Variants in TFAP2E observed in about 807,000 individuals in gnomAD.
TFAP2E encodes transcription factor AP-2-epsilon.
A neutral mutation model predicts 37.9 loss-of-function variants in TFAP2E; 30 were observed. The ratio of observed to expected loss-of-function variants is 0.79; its 90% CI spans 0.59 to 1.07. The LOEUF is 1.07. TFAP2E is among the 50% of genes least tolerant of loss of function. The pLI, the probability that TFAP2E is intolerant of heterozygous loss-of-function variation, is 0.00. For missense variants in TFAP2E, 567 were observed against 637.9 expected (o/e 0.89, Z 1.20); for synonymous variants, 318 against 295.8 (o/e 1.08, Z -0.77).
At chr1:35,592,161 T>C (rs1649705652) in intron 6 of TFAP2E, among the ~76,000 whole-genome samples, 1 of 152,044 alleles carries the variant, frequency 6.6e-6, no homozygotes, top group African/African-American at 2.4e-5. Flanking sequence ...GGTGCACTCC[T>C]GTAGTCCCAG....
Position 35,574,958 on chromosome 1 carries a change from G to A in TFAP2E, c.520G>A (p.Glu174Lys), listed in dbSNP as rs770123618. Reference sequence around the variant, plus strand: ...CCTCTGCTATTTGCAGGCAATGGACGAGCCGGGAATGAGCCTCCTAGACCA... The same window carrying A: ...CCTCTGCTATTTGCAGGCAATGGACAAGCCGGGAATGAGCCTCCTAGACCA... ...PGLEDLQAMD[E>K]PGMSLLDQSV... Residue 174 changes from glutamate (E) to lysine (K), a missense_variant, in exon 3 of 7, where the codon GAG (glutamate) becomes AAG (lysine). Physicochemically the swap from Glu to Lys is moderately conservative, Grantham distance 56. Transcript: ENST00000373235. The A allele has an allele frequency of 6.2e-7, 1 of 1,613,958 alleles. No individual in the cohort carries two copies. The highest frequency in any genetic ancestry group is 8.5e-7 in the Non-Finnish European group (1 of 1,179,994).
At chr1:35,586,059 A>G (rs1047239286) in intron 3 of TFAP2E, among the ~76,000 whole-genome samples, 2 of 149,810 alleles carry the variant, frequency 1.3e-5, no homozygotes, top group African/African-American at 5.0e-5. Context: ...AAAAAAAAAA[A>G]TGGTGGACAC....
Position 35,588,548 on chromosome 1 carries a change from C to G in TFAP2E, c.781C>G (p.Arg261Gly). The change falls in exon 4 of 7, where the codon CGC becomes GGC. Residue 261 changes from arginine to glycine, a missense_variant. Arg to Gly is a moderately radical substitution (Grantham distance 125). This residue lies in a region of TFAP2E where 252 missense variants were observed against 302.6 expected (regional missense o/e 0.83). Coordinates refer to ENST00000373235, the MANE Select transcript of TFAP2E (RefSeq NM_178548.4). This position sits in a 1 kb window ranked among gnomAD's most constrained non-coding sequence, Gnocchi z 5.1. Reference protein sequence around the residue: ...LNASLLGGVLRRAKSKNGGRC... With the variant: ...LNASLLGGVLGRAKSKNGGRC... ...CGCCTCCCTCCTGGGGGGTGTCCTC[C>G]GCAGGTAGGAAGGCCAGCCCACAAT... 1 of 1,574,748 alleles carries G rather than the reference C, an allele frequency of 6.4e-7. No homozygotes were observed. Among genetic ancestry groups the G allele is most frequent in the Non-Finnish European group, 8.6e-7 (1 of 1,157,930 alleles).
intron 3 of TFAP2E, among the ~76,000 whole-genome samples, chr1:35,583,005 C>T (rs1649395173): frequency 6.6e-6 from 1 of 151,924 alleles, no homozygotes; most frequent in Admixed American, 6.6e-5. Context: ...CGGGTTCAAG[C>T]GATTCTCCTG....
chr1:35,575,096 GCCAGGCTGGGTGTCCA>G, intron 3 of TFAP2E, 96 bp downstream of exon 3: 1 of 1,486,420 alleles, frequency 6.7e-7, no homozygotes, highest in Non-Finnish European at 9.4e-7. Context: ...CCTGTGTGTC[GCCAGGCTGGGTGTCCA>G]CCAGGCACTC....
chr1:35,590,904 C>A lies in TFAP2E; in HGVS notation c.1046+129C>A. 9.0e-7 allele frequency: 1 copy of A among 1,113,458 alleles called. No individual in the cohort carries two copies. Among genetic ancestry groups the A allele is most frequent in the South Asian group, 3.6e-5 (1 of 27,984 alleles). 69.0% of individuals were successfully genotyped at this position (1,113,458 alleles called of 1,614,324 possible). A position where few individuals can be genotyped will look rare whatever the true frequency, so the allele number is the denominator to read the frequency against. ...ATGCGTATTTGCGCACCACTGTGTA[C>A]ACGAGCAGTGGGCACACACACATAC... On this transcript the variant is annotated intron_variant, in intron 6 of 6. Transcript: ENST00000373235. This position sits in a 1 kb window ranked among gnomAD's most constrained non-coding sequence, Gnocchi z 6.2.
At position 35,574,069 on chromosome 1, in the gene TFAP2E, C is replaced by G. The variant is rs1306298868; in HGVS notation, c.170C>G (p.Pro57Arg). The G allele has an allele frequency of 6.8e-7, 1 of 1,480,370 alleles. No homozygotes were observed. Among genetic ancestry groups the G allele is most frequent in the African/African-American group, 1.5e-5 (1 of 68,040 alleles). The allele number at this position is 1,480,370 out of a possible 1,614,324, so 91.7% of individuals were successfully genotyped here. ...GAATTCCAGCCGCCCTACTTCCCGCCGCCCTACCCGCAGCCACCGCTGCCC... is the reference window on the plus strand; with the variant it reads ...GAATTCCAGCCGCCCTACTTCCCGCGGCCCTACCCGCAGCCACCGCTGCCC... ...AAEFQPPYFP[P>R]PYPQPPLPYG... Residue 57 changes from proline to arginine, a missense_variant, in exon 2 of 7, where the codon CCG becomes CGG. By Grantham distance (103) the Pro-to-Arg change is moderately radical. Around this residue, in one of 3 missense-constraint regions of TFAP2E, gnomAD observed 312 missense variants for 317.4 expected, o/e 0.98. Transcript: ENST00000373235.
In TFAP2E at chr1:35,590,051, G is replaced by A. The variant is rs542024393; in HGVS notation, c.904+3G>A. The A allele has an allele frequency of 4.2e-5, 68 of 1,613,760 alleles. No homozygotes were observed. In the South Asian group the frequency reaches 7.4e-4, roughly 17 times the overall value. Reference sequence around the variant, plus strand: ...GCTGCTGACTTCGCTAGTGGAAGGTGAGTGAGGCCTGAAGGTGGGCATGGG... The same window carrying A: ...GCTGCTGACTTCGCTAGTGGAAGGTAAGTGAGGCCTGAAGGTGGGCATGGG... On this transcript the variant is annotated splice_donor_region_variant and intron_variant, in intron 5 of 6. Coordinates refer to ENST00000373235, the MANE Select transcript of TFAP2E (RefSeq NM_178548.4). This position sits in a 1 kb window ranked among gnomAD's most constrained non-coding sequence, Gnocchi z 6.2.
In TFAP2E at chr1:35,583,292, C is replaced by CTGT. The variant is rs550749663; in HGVS notation, c.563-5021_563-5019dup. Among the ~76,000 whole-genome samples the CTGT allele has an allele frequency of 1.7e-4, 26 of 152,040 alleles. No homozygotes were observed. In the East Asian group the frequency reaches 2.9e-3, roughly 17 times the overall value. ...CACGAAGATTTTTCTCCTAAGTTTT[C>CTGT]TGTTGTTGTTGTTGTTGTTATTTGT... On this transcript the variant is annotated intron_variant, in intron 3 of 6. Transcript: ENST00000373235.
At chr1:35,578,795 T>C (rs936078591) in intron 3 of TFAP2E, among the ~76,000 whole-genome samples, 1 of 151,938 alleles carries the variant, frequency 6.6e-6, no homozygotes, top group African/African-American at 2.4e-5. Flanking sequence ...AAAAACTCAG[T>C]AATCAAGATA....
intron 3 of TFAP2E, among the ~76,000 whole-genome samples, chr1:35,578,710 C>A (rs924053003): frequency 2.0e-5 from 3 of 152,144 alleles, no homozygotes; most frequent in African/African-American, 7.2e-5. Flanking sequence ...ACTTCCCAGA[C>A]AATCTCTAAG....
rs567466030 is a variant in TFAP2E at position 35,578,078 on chromosome 1, G to A, written c.562+3078G>A. 1.4e-4 allele frequency among the ~76,000 whole-genome samples: 21 copies of A among 152,322 alleles called. No homozygotes were observed. In the East Asian group the frequency reaches 3.5e-3, roughly 25 times the overall value. ...GCGGAGAGTGCCCGAGGTTGGGTGA[G>A]TGCCTAGAGGGGAGATAGTTGAACC... is the stretch of plus-strand genomic sequence containing the variant. On this transcript the variant is annotated intron_variant, in intron 3 of 6. Transcript: ENST00000373235.
rs373145943 is a variant in TFAP2E at position 35,589,985 on chromosome 1, C to T, written c.841C>T (p.Leu281Phe). 1.2e-5 allele frequency: 19 copies of T among 1,614,030 alleles called. No homozygotes were observed. Among genetic ancestry groups the T allele is most frequent in the East Asian group, 2.2e-5 (1 of 44,902 alleles). Residue 281 changes from leucine (L) to phenylalanine (F), a missense_variant, in exon 5 of 7, where the codon CTC (leucine) becomes TTC (phenylalanine). Transcript: ENST00000373235. ...GCGGGAACGGTTAGAGAAGATTGGG[C>T]TCAACCTGCCAGCTGGCCGTCGCAA... ...CLRERLEKIG[L>F]NLPAGRRKAA...
At chr1:35,576,756 C>T (rs955649394) in intron 3 of TFAP2E, among the ~76,000 whole-genome samples, 1 of 152,206 alleles carries the variant, frequency 6.6e-6, no homozygotes, top group Admixed American at 6.5e-5. Context: ...TTCCAAAACT[C>T]CTAGATCCTA....
chr1:35,577,342 G>A lies in TFAP2E; in HGVS notation c.562+2342G>A. ...TTCACCTTGGCCCTCCGCGGTCACTGCGGGATTCGGCGTTGCCGCCAGCCC... is the reference window on the plus strand; with the variant it reads ...TTCACCTTGGCCCTCCGCGGTCACTACGGGATTCGGCGTTGCCGCCAGCCC... On this transcript the variant is annotated intron_variant, in intron 3 of 6. Transcript: ENST00000373235. This position sits in a 1 kb window ranked among gnomAD's most constrained non-coding sequence, Gnocchi z 6.3. The A allele has an allele frequency of 2.2e-6, 1 of 456,692 alleles. No homozygotes were observed. The highest frequency in any genetic ancestry group is 4.4e-6 in the Non-Finnish European group (1 of 226,934). 28.3% of individuals were successfully genotyped at this position (456,692 alleles called of 1,614,324 possible). A position where few individuals can be genotyped will look rare whatever the true frequency, so the allele number is the denominator to read the frequency against.
intron 3 of TFAP2E, among the ~76,000 whole-genome samples, chr1:35,586,124 G>A (rs146235128): frequency 6.6e-6 from 1 of 152,288 alleles, no homozygotes; most frequent in African/African-American, 2.4e-5. Flanking sequence ...TGGTCAGCTT[G>A]GGTCTAGAGC....
chr1:35,592,282 CT>C (rs1394256218), intron 6 of TFAP2E, among the ~76,000 whole-genome samples: 3 of 147,582 alleles, frequency 2.0e-5, no homozygotes, highest in Non-Finnish European at 4.4e-5. Context: ...GAGACCCCAT[CT>C]CAAAAAAAAA....
At chr1:35,575,985 C>T (rs1410043179) in intron 3 of TFAP2E, among the ~76,000 whole-genome samples, 1 of 152,150 alleles carries the variant, frequency 6.6e-6, no homozygotes, top group Non-Finnish European at 1.5e-5. Flanking sequence ...TCAGAGGGGC[C>T]CAGGCATTGG....
Position 35,590,083 on chromosome 1 carries a change from T to C in TFAP2E, c.904+35T>C. On this transcript the variant is annotated intron_variant, in intron 5 of 6. Coordinates refer to ENST00000373235, the MANE Select transcript of TFAP2E (RefSeq NM_178548.4). The surrounding 1 kb of genome is among the most constrained non-coding windows in gnomAD (Gnocchi z 6.2). ...GCCTGAAGGTGGGCATGGGAGTGGATGTGAGGGCAAGTGAGTTGTCTGGTG... is the reference window on the plus strand; with the variant it reads ...GCCTGAAGGTGGGCATGGGAGTGGACGTGAGGGCAAGTGAGTTGTCTGGTG... The C allele has an allele frequency of 1.9e-6, 3 of 1,599,924 alleles. No individual in the cohort carries two copies. Among genetic ancestry groups the C allele is most frequent in the Non-Finnish European group, 1.7e-6 (2 of 1,167,784 alleles).
Sources: allele counts gnomAD v4.1 joint callset (sites outside exome capture counted in the v4.1 genomes callset), GRCh38; gene constraint gnomAD v4.1.1; regional missense constraint gnomAD v4.1.1; non-coding constraint Gnocchi (gnomAD v3.1); transcripts MANE v1.5; gene names NCBI Gene and HGNC (gene_info 2026-07-23, HGNC 2026-07-21).